The following COG5 variants were observed in gnomAD, a reference collection of about 807,000 sequenced individuals.
COG5 encodes conserved oligomeric Golgi complex subunit 5.
COG5 carries 86 observed loss-of-function variants against 110.4 expected under a neutral mutation model. The ratio of observed to expected loss-of-function variants is 0.78; its 90% confidence interval spans 0.65 to 0.93. The LOEUF is 0.93. COG5 is among the 40% of genes least tolerant of loss of function. The probability of loss-of-function intolerance (pLI) is 0.00; values close to 1 mark genes in which losing one functional copy is unlikely to be tolerated. For synonymous variants in COG5, 360 were observed against 334.6 expected, an observed-to-expected ratio of 1.08 and a Z score of -0.83; for missense variants, 1,077 against 987.0, an observed-to-expected ratio of 1.09 and a Z score of -1.22.
At chr7:107,316,297 A>G (rs911463220) in intron 11 of COG5, among the ~76,000 whole-genome samples, 1 of 152,188 alleles carries the variant, frequency 6.6e-6, no homozygotes, top group Non-Finnish European at 1.5e-5. Flanking sequence ...AATATAAATG[A>G]TGATGCTAGG....
chr7:107,262,808 G>T (rs1403101643), intron 14 of COG5, among the ~76,000 whole-genome samples: 1 of 152,094 alleles, frequency 6.6e-6, no homozygotes, highest in Non-Finnish European at 1.5e-5. Flanking sequence ...CAGAATGTCT[G>T]CCGTCCCTAC....
intron 6 of COG5, among the ~76,000 whole-genome samples, chr7:107,481,118 C>A (rs1332818473): frequency 6.6e-6 from 1 of 152,112 alleles, no homozygotes; most frequent in Non-Finnish European, 1.5e-5. Flanking sequence ...CCCGAAGCAT[C>A]AAGTAAGATA....
At chr7:107,263,002 T>C (rs1803491255) in intron 14 of COG5, among the ~76,000 whole-genome samples, 1 of 152,248 alleles carries the variant, frequency 6.6e-6, no homozygotes. Context: ...TTCCTTTGCT[T>C]GGTTCCTTCC....
chr7:107,477,765 C>T (rs1584875111), intron 6 of COG5, among the ~76,000 whole-genome samples: 1 of 152,002 alleles, frequency 6.6e-6, no homozygotes, highest in South Asian at 2.1e-4. Flanking sequence ...ATGTTTCCAA[C>T]TACTGACCTC....
At chr7:107,325,877 G>C (rs954364606) in intron 10 of COG5, among the ~76,000 whole-genome samples, 1 of 152,058 alleles carries the variant, frequency 6.6e-6, no homozygotes, top group African/African-American at 2.4e-5. Context: ...CTCAAGAACT[G>C]TTAATCATAA....
intron 6 of COG5, among the ~76,000 whole-genome samples, chr7:107,499,231 T>C (rs1361630088): frequency 6.6e-6 from 1 of 152,162 alleles, no homozygotes; most frequent in African/African-American, 2.4e-5. Context: ...TGCTGTTCAA[T>C]ACCATGCCTA....
At position 107,548,269 on chromosome 7, in the gene COG5, G is replaced by C; in HGVS notation, c.347+9C>G. Reference sequence around the variant, plus strand: ...CCATTCCATTTATTTATAAAATTAAGAACAGTACCTATCAACAGCTCCCTG... The same window carrying C: ...CCATTCCATTTATTTATAAAATTAACAACAGTACCTATCAACAGCTCCCTG... On this transcript the variant is annotated intron_variant, in intron 4 of 21. Coordinates refer to ENST00000297135, the MANE Select transcript of COG5 (RefSeq NM_006348.5). The C allele has an allele frequency of 6.2e-7, 1 of 1,609,614 alleles. No individual in the cohort carries two copies. Among genetic ancestry groups the C allele is most frequent in the East Asian group, 2.2e-5 (1 of 44,806 alleles).
chr7:107,322,928 A>T (rs932583481), intron 11 of COG5, among the ~76,000 whole-genome samples: 1 of 152,198 alleles, frequency 6.6e-6, no homozygotes, highest in African/African-American at 2.4e-5. Flanking sequence ...GAAGAATCTT[A>T]ATTATGCTGA....
intron 14 of COG5, among the ~76,000 whole-genome samples, chr7:107,271,101 G>A (rs1804234136): frequency 2.0e-5 from 3 of 151,816 alleles, no homozygotes. Context: ...TGTCTTGATT[G>A]CCAGGTGTGG....
intron 14 of COG5, among the ~76,000 whole-genome samples, chr7:107,261,953 T>C (rs1467352397): frequency 1.3e-5 from 2 of 151,908 alleles, no homozygotes; most frequent in Middle Eastern, 3.2e-3. Context: ...GACAGTGGCA[T>C]GTTCTTGGCT....
intron 19 of COG5, among the ~76,000 whole-genome samples, chr7:107,222,479 C>A (rs1209420924): frequency 6.6e-6 from 1 of 152,224 alleles, no homozygotes; most frequent in East Asian, 1.9e-4. Context: ...GCTGGGATTA[C>A]AGGCGTGAGC....
At chr7:107,275,011 T>G (rs1457699440) in intron 14 of COG5, among the ~76,000 whole-genome samples, 4 of 152,142 alleles carry the variant, frequency 2.6e-5, no homozygotes, top group Admixed American at 2.6e-4. Flanking sequence ...CAGCTAGTCT[T>G]GGACTACTGG....
intron 18 of COG5, among the ~76,000 whole-genome samples, chr7:107,235,164 C>CT (rs1661455596): frequency 6.6e-6 from 1 of 152,142 alleles, no homozygotes; most frequent in Admixed American, 6.6e-5. Context: ...TTACCTGTTC[C>CT]TTTTTTGAAA....
chr7:107,484,906 G>A (rs1028930360), intron 6 of COG5, among the ~76,000 whole-genome samples: 1 of 152,168 alleles, frequency 6.6e-6, no homozygotes, highest in East Asian at 1.9e-4. Flanking sequence ...CAATCAGACT[G>A]TGTAGAAAGA....
intron 10 of COG5, among the ~76,000 whole-genome samples, chr7:107,346,497 G>A (rs1225550474): frequency 6.6e-6 from 1 of 152,100 alleles, no homozygotes; most frequent in Non-Finnish European, 1.5e-5. Flanking sequence ...TTCATTATTA[G>A]ATATTACTTT....
In COG5 at chr7:107,474,690, T is replaced by C. The variant is rs1166147473; in HGVS notation, c.538+52547A>G. The C allele has an allele frequency of 1.2e-6, 2 of 1,610,510 alleles. No homozygotes were observed. Among genetic ancestry groups the C allele is most frequent in the African/African-American group, 2.7e-5 (2 of 74,972 alleles). ...AATACTACACTGAACTGGGAATGTA[T>C]TATCACCTGTTAGTACAGATCCCAA... On this transcript the variant is annotated intron_variant, in intron 6 of 21. Coordinates refer to ENST00000297135, the MANE Select transcript of COG5 (RefSeq NM_006348.5). The surrounding 1 kb of genome is among the most constrained non-coding windows in gnomAD (Gnocchi z 5.7).
chr7:107,559,696 G>T (rs10228531), intron 1 of COG5, among the ~76,000 whole-genome samples: 1,740 of 152,300 alleles, frequency 0.011, 32 homozygotes, highest in African/African-American at 0.039. Context: ...CTGCTTTTAA[G>T]TCTGAGAACC....
At chr7:107,417,741 T>G (rs566502222) in intron 6 of COG5, among the ~76,000 whole-genome samples, 1 of 152,280 alleles carries the variant, frequency 6.6e-6, no homozygotes, top group South Asian at 2.1e-4. Context: ...TATGCTTCTA[T>G]AAGAAATATG....
chr7:107,497,208 C>T (rs1798335487), intron 6 of COG5, among the ~76,000 whole-genome samples: 1 of 152,082 alleles, frequency 6.6e-6, no homozygotes, highest in Admixed American at 6.6e-5. Context: ...AAAGCAAGGC[C>T]CTGTCTCTAC....
Sources: allele counts gnomAD v4.1 joint callset (sites outside exome capture counted in the v4.1 genomes callset), GRCh38; gene constraint gnomAD v4.1.1; non-coding constraint Gnocchi (gnomAD v3.1); transcripts MANE v1.5; gene names NCBI Gene and HGNC (gene_info 2026-07-23, HGNC 2026-07-21).